SLCO5A1: variants seen among roughly 807,000 people sequenced by gnomAD.
The protein encoded by SLCO5A1 is solute carrier organic anion transporter family member 5A1.
A neutral mutation model predicts 65.1 loss-of-function variants in SLCO5A1; 39 were observed. The observed-to-expected ratio is 0.60, with a 90% CI of 0.46 to 0.78. The LOEUF (loss-of-function observed/expected upper bound fraction) is 0.78, where lower values mean the gene tolerates loss of function less well. Ranked by LOEUF, SLCO5A1 falls within the 30% of genes least tolerant of loss-of-function variation. The pLI is 0.00. For synonymous variants in SLCO5A1, 438 were observed against 415.7 expected (o/e 1.05, Z -0.65); for missense variants, 1,029 against 1,069.4 (o/e 0.96, Z 0.53).
intron 3 of SLCO5A1, among the ~76,000 whole-genome samples, chr8:69,756,091 A>C (rs1378048416): frequency 6.6e-6 from 1 of 152,222 alleles, no homozygotes; most frequent in Non-Finnish European, 1.5e-5. Context: ...GTTTTAAATT[A>C]TTGAGAATAT....
intron 3 of SLCO5A1, 112 bp downstream of exon 3, chr8:69,761,631 C>G: frequency 1.7e-6 from 2 of 1,171,316 alleles, no homozygotes; most frequent in South Asian, 1.4e-5. Flanking sequence ...TTCCCAGGCA[C>G]CTTTCAGCTA....
intron 5 of SLCO5A1, among the ~76,000 whole-genome samples, chr8:69,719,075 A>C (rs1304388038): frequency 6.6e-6 from 1 of 152,242 alleles, no homozygotes; most frequent in African/African-American, 2.4e-5. Flanking sequence ...AAAGTTTACC[A>C]GGAGTCCAGG....
chr8:69,765,526 C>G (rs771838016), intron 2 of SLCO5A1, among the ~76,000 whole-genome samples: 1 of 152,088 alleles, frequency 6.6e-6, no homozygotes, highest in Non-Finnish European at 1.5e-5. Flanking sequence ...GGCTACTGCA[C>G]TAACATTAGT....
chr8:69,683,120 G>GT (rs1309420241), intron 6 of SLCO5A1, among the ~76,000 whole-genome samples: 1 of 152,172 alleles, frequency 6.6e-6, no homozygotes, highest in African/African-American at 2.4e-5. Flanking sequence ...GGAAAGGCAG[G>GT]TAAGGATATA....
At chr8:69,732,960 T>C (rs1816401656) in intron 5 of SLCO5A1, among the ~76,000 whole-genome samples, 1 of 152,164 alleles carries the variant, frequency 6.6e-6, no homozygotes, top group South Asian at 2.1e-4. Flanking sequence ...GTTCTAACAC[T>C]TACTATTTGC....
At chr8:69,704,717 C>T (rs536756770) in intron 6 of SLCO5A1, among the ~76,000 whole-genome samples, 3 of 152,324 alleles carry the variant, frequency 2.0e-5, no homozygotes, top group East Asian at 3.9e-4. Context: ...TACAGAAACA[C>T]ATATTCCCTA....
At chr8:69,731,408 C>A (rs73686135) in intron 5 of SLCO5A1, among the ~76,000 whole-genome samples, 2,580 of 152,342 alleles carry the variant, frequency 0.017, 81 homozygotes, top group African/African-American at 0.058. Context: ...TCCTTTCCTG[C>A]AAGAAATGCC....
At chr8:69,823,518 A>C (rs1374799718) in intron 2 of SLCO5A1, among the ~76,000 whole-genome samples, 3 of 152,218 alleles carry the variant, frequency 2.0e-5, no homozygotes, top group Admixed American at 1.3e-4. Context: ...AAAGATCAAA[A>C]GAGACAAAGA....
chr8:69,786,915 A>G (rs1360196978), intron 2 of SLCO5A1, among the ~76,000 whole-genome samples: 2 of 152,248 alleles, frequency 1.3e-5, no homozygotes, highest in Non-Finnish European at 2.9e-5. Flanking sequence ...TTAAGGATCC[A>G]TTCCAATAAT....
chr8:69,788,618 C>A (rs1819137070), intron 2 of SLCO5A1, among the ~76,000 whole-genome samples: 1 of 151,938 alleles, frequency 6.6e-6, no homozygotes, highest in East Asian at 1.9e-4. Flanking sequence ...ATATGATAAT[C>A]ACCCCTCATA....
At chr8:69,762,174 CT>C (rs1817817956) in intron 2 of SLCO5A1, among the ~76,000 whole-genome samples, 2 of 67,198 alleles carry the variant, frequency 3.0e-5, no homozygotes, top group African/African-American at 4.6e-5. Flanking sequence ...TTCTTTCTTT[CT>C]TTCTTTCTTT....
intron 5 of SLCO5A1, among the ~76,000 whole-genome samples, chr8:69,718,517 C>T (rs1432531152): frequency 2.6e-5 from 4 of 152,146 alleles, no homozygotes; most frequent in African/African-American, 9.7e-5. Flanking sequence ...ATGATGTTAG[C>T]TGTGGGTTTT....
intron 5 of SLCO5A1, among the ~76,000 whole-genome samples, chr8:69,706,561 A>G (rs935080582): frequency 2.0e-5 from 3 of 152,188 alleles, no homozygotes; most frequent in Admixed American, 6.5e-5. Flanking sequence ...GGCCTGAAAG[A>G]GCTACCTCAC....
chr8:69,719,960 T>C (rs1478025874), intron 5 of SLCO5A1, among the ~76,000 whole-genome samples: 1 of 152,190 alleles, frequency 6.6e-6, no homozygotes, highest in African/African-American at 2.4e-5. Flanking sequence ...GTTCAGTCTC[T>C]CCAATTCCTT....
At chr8:69,727,166 G>T (rs1816120792) in intron 5 of SLCO5A1, among the ~76,000 whole-genome samples, 1 of 152,096 alleles carries the variant, frequency 6.6e-6, no homozygotes, top group South Asian at 2.1e-4. Context: ...TGTGCATAGT[G>T]CCAGGCCCAT....
At chr8:69,729,220 G>A (rs958762609) in intron 5 of SLCO5A1, among the ~76,000 whole-genome samples, 13 of 152,022 alleles carry the variant, frequency 8.6e-5, no homozygotes, top group Admixed American at 6.6e-5. Context: ...CGAGGCAGGC[G>A]GATCACGAGG....
intron 2 of SLCO5A1, among the ~76,000 whole-genome samples, chr8:69,784,938 GA>G (rs1174586576): frequency 5.0e-5 from 6 of 119,790 alleles, no homozygotes; most frequent in Admixed American, 1.7e-4. Flanking sequence ...AAGAAAGAAA[GA>G]AAGAAAGAAA....
intron 2 of SLCO5A1, among the ~76,000 whole-genome samples, chr8:69,770,208 C>T (rs979916696): frequency 6.6e-5 from 10 of 152,244 alleles, no homozygotes; most frequent in East Asian, 5.8e-4. Flanking sequence ...CCCCTATGGA[C>T]GCCAGCTTTA....
At chr8:69,729,684 T>C (rs1288879992) in intron 5 of SLCO5A1, among the ~76,000 whole-genome samples, 1 of 151,972 alleles carries the variant, frequency 6.6e-6, no homozygotes, top group Non-Finnish European at 1.5e-5. Context: ...TTTGGAATAA[T>C]TCAAAGAGAG....
Sources: allele counts gnomAD v4.1 joint callset (sites outside exome capture counted in the v4.1 genomes callset), GRCh38; gene constraint gnomAD v4.1.1; transcripts MANE v1.5; gene names NCBI Gene and HGNC (gene_info 2026-07-23, HGNC 2026-07-21).